The following NEMP2 variants were observed in gnomAD, a reference collection of about 807,000 sequenced individuals.
NEMP2 encodes the protein nuclear envelope integral membrane protein 2, also known as UPF0571 transmembrane protein.
In NEMP2, 53 loss-of-function variants were observed where a neutral mutation model predicts 54.2. That is an observed-to-expected ratio of 0.98 (90% CI 0.78 to 1.23). The LOEUF (loss-of-function observed/expected upper bound fraction) is 1.23. NEMP2 is among the 50% of genes most tolerant of loss of function. The pLI is 0.00. For synonymous variants in NEMP2, 197 were observed against 190.3 expected (o/e 1.04, Z -0.29); for missense variants, 455 against 511.3 (o/e 0.89, Z 1.06).
At chr2:190,547,240 A>G in the NEMP2 span, among the ~76,000 whole-genome samples, 1 of 152,230 alleles carries the variant, frequency 6.6e-6, no homozygotes, top group Non-Finnish European at 1.5e-5. The surrounding 1 kb of genome is among the most constrained non-coding windows in gnomAD (Gnocchi z 6.2). Flanking sequence ...AGTAATAGGC[A>G]GTGGAGAAAA....
At chr2:190,626,966 G>C in the NEMP2 span, 1 of 152,160 alleles carries the variant, frequency 6.6e-6, no homozygotes, top group African/African-American at 2.4e-5. This position sits in a 1 kb window ranked among gnomAD's most constrained non-coding sequence, Gnocchi z 4.5. Flanking sequence ...TTGATTTCCT[G>C]TCTCATTTCC....
At chr2:190,615,648 T>A in the NEMP2 span, among the ~76,000 whole-genome samples, 1 of 152,066 alleles carries the variant, frequency 6.6e-6, no homozygotes, top group Non-Finnish European at 1.5e-5. The surrounding 1 kb of genome is among the most constrained non-coding windows in gnomAD (Gnocchi z 4.7). Context: ...TCCCGAGAGA[T>A]GAGGGGATGA....
At chr2:190,490,198 C>G in the NEMP2 span, among the ~76,000 whole-genome samples, 1 of 151,658 alleles carries the variant, frequency 6.6e-6, no homozygotes, top group African/African-American at 2.4e-5. This position sits in a 1 kb window ranked among gnomAD's most constrained non-coding sequence, Gnocchi z 4.5. Context: ...TAAGGCTATA[C>G]AGTCATTTTG....
intron 6 of NEMP2, among the ~76,000 whole-genome samples, chr2:190,515,557 C>G (rs1208704236): frequency 6.6e-6 from 1 of 151,976 alleles, no homozygotes; most frequent in African/African-American, 2.4e-5. Context: ...TCTTGTTTTT[C>G]AGAGAGGAAT....
chr2:190,578,391 C>A, the NEMP2 span, among the ~76,000 whole-genome samples: 180 of 152,298 alleles, frequency 1.2e-3, 3 homozygotes, highest in Admixed American at 0.012. This position sits in a 1 kb window ranked among gnomAD's most constrained non-coding sequence, Gnocchi z 4.4. Flanking sequence ...CACATGCAGG[C>A]TGATGACTTT....
the NEMP2 span, chr2:190,442,854 CA>C: frequency 6.6e-6 from 1 of 152,068 alleles, no homozygotes; most frequent in Non-Finnish European, 1.5e-5. Context: ...AGATTTGCAG[CA>C]GTGAAAATCG....
At chr2:190,465,541 C>T in the NEMP2 span, among the ~76,000 whole-genome samples, 4 of 151,932 alleles carry the variant, frequency 2.6e-5, no homozygotes, top group Non-Finnish European at 5.9e-5. The surrounding 1 kb of genome is among the most constrained non-coding windows in gnomAD (Gnocchi z 4.6). Flanking sequence ...TGAACATATG[C>T]TCATATTCAG....
chr2:190,488,783 G>A, the NEMP2 span: 1 of 1,603,342 alleles, frequency 6.2e-7, no homozygotes, highest in Non-Finnish European at 8.5e-7. The surrounding 1 kb of genome is among the most constrained non-coding windows in gnomAD (Gnocchi z 6.4). Context: ...AGAGGATGTG[G>A]TGCCATGATC....
At chr2:190,545,697 A>G in the NEMP2 span, among the ~76,000 whole-genome samples, 1 of 152,204 alleles carries the variant, frequency 6.6e-6, no homozygotes, top group African/African-American at 2.4e-5. Context: ...AATATTTTTA[A>G]AAAGGGGTGG....
chr2:190,618,446 A>T, the NEMP2 span, among the ~76,000 whole-genome samples: 1 of 152,186 alleles, frequency 6.6e-6, no homozygotes, highest in Non-Finnish European at 1.5e-5. Flanking sequence ...GTAGAGCACT[A>T]TTGTGACTTT....
At position 190,512,696 on chromosome 2, in the gene NEMP2, A is replaced by C. The variant is rs979428572; in HGVS notation, c.953+1757T>G. On this transcript the variant is annotated intron_variant, in intron 7 of 8. Coordinates refer to ENST00000409150, the MANE Select transcript of NEMP2 (RefSeq NM_001142645.2). The surrounding 1 kb of genome is among the most constrained non-coding windows in gnomAD (Gnocchi z 4.5). ...GTTCCTCAGGCCACAAGCCTGGCAA[A>C]GGGCCAGGGACCTGGAAGATGTTGG... 6.6e-6 allele frequency among the ~76,000 whole-genome samples: 1 copy of C among 152,208 alleles called. No homozygotes were observed. Among genetic ancestry groups the C allele is most frequent in the Non-Finnish European group, 1.5e-5 (1 of 68,036 alleles).
chr2:190,556,056 A>G, the NEMP2 span, among the ~76,000 whole-genome samples: 1 of 152,258 alleles, frequency 6.6e-6, no homozygotes, highest in Non-Finnish European at 1.5e-5. Context: ...ATCCCTGATG[A>G]ACATTGATGC....
chr2:190,440,138 T>C, the NEMP2 span, among the ~76,000 whole-genome samples: 2 of 152,210 alleles, frequency 1.3e-5, no homozygotes, highest in African/African-American at 2.4e-5. Context: ...TTTTTAGGAG[T>C]TGGCACTACC....
chr2:190,482,903 T>TTTTTTTTTTTTTTTTTTTG, the NEMP2 span, among the ~76,000 whole-genome samples: 95 of 86,250 alleles, frequency 1.1e-3, 38 homozygotes, highest in East Asian at 2.9e-3. Context: ...TTTTTTTTTT[T>TTTTTTTTTTTTTTTTTTTG]AGACGGAGTC....
At chr2:190,500,278 T>A (rs867145251), downstream of NEMP2, 3 of 1,584,186 alleles carry the variant, frequency 1.9e-6, no homozygotes, top group Middle Eastern at 5.6e-4. This position sits in a 1 kb window ranked among gnomAD's most constrained non-coding sequence, Gnocchi z 5.3. Flanking sequence ...GGACACAGGG[T>A]GAGGCCCCCC....
the NEMP2 span, among the ~76,000 whole-genome samples, chr2:190,452,272 CACA>C: frequency 1.5e-4 from 23 of 151,954 alleles, no homozygotes; most frequent in African/African-American, 1.9e-4. Flanking sequence ...ACAACAATAA[CACA>C]ACAACAACAA....
chr2:190,517,647 G>T (rs1690608594), intron 4 of NEMP2, 34 bp from the exon 5 acceptor site: 1 of 1,445,466 alleles, frequency 6.9e-7, no homozygotes, highest in South Asian at 1.3e-5. Flanking sequence ...CTATTTAAAT[G>T]CCAAAAAGCA....
chr2:190,574,595 C>G, the NEMP2 span, among the ~76,000 whole-genome samples: 1 of 152,052 alleles, frequency 6.6e-6, no homozygotes, highest in African/African-American at 2.4e-5. Context: ...CAAAAAAAAG[C>G]CTATATCCCT....
chr2:190,475,451 C>T, the NEMP2 span, among the ~76,000 whole-genome samples: 2 of 152,156 alleles, frequency 1.3e-5, no homozygotes, highest in African/African-American at 4.8e-5. Context: ...TGAGTGAACT[C>T]CCATTCACAA....
Sources: gnomAD v4.1 joint callset for allele counts (sites outside exome capture counted in the v4.1 genomes callset) on GRCh38, gnomAD v4.1.1 for gene constraint, Gnocchi (gnomAD v3.1) non-coding constraint, MANE v1.5 for transcripts, NCBI Gene and HGNC (gene_info 2026-07-23, HGNC 2026-07-21) for gene names.